Variants in TMEM132C observed in about 807,000 individuals in gnomAD.
The protein encoded by TMEM132C is transmembrane protein 132C, also known as protein phosphatase 1, regulatory subunit 152.
TMEM132C carries 29 observed loss-of-function variants against 61.4 expected under a neutral mutation model. That is an observed-to-expected ratio of 0.47 (90% confidence interval 0.35 to 0.64). The LOEUF (loss-of-function observed/expected upper bound fraction) is 0.64. TMEM132C is among the 30% of genes least tolerant of loss of function. The pLI is 0.00. For synonymous variants in TMEM132C, 656 were observed against 633.1 expected (o/e 1.04, Z -0.54); for missense variants, 1,408 against 1,476.9 (o/e 0.95, Z 0.76).
chr12:128,536,952 A>G (rs1239365446), intron 2 of TMEM132C, among the ~76,000 whole-genome samples: 1 of 152,246 alleles, frequency 6.6e-6, no homozygotes, highest in Admixed American at 6.5e-5. Context: ...GAAACAAGCC[A>G]TTCAGAGATG....
At chr12:128,339,893 C>A (rs1872902078) in intron 1 of TMEM132C, among the ~76,000 whole-genome samples, 1 of 152,190 alleles carries the variant, frequency 6.6e-6, no homozygotes, top group Non-Finnish European at 1.5e-5. Context: ...TGTGTCCACA[C>A]AGATGTGAGG....
In TMEM132C at chr12:128,638,592, A is replaced by G. The variant is rs143374323; in HGVS notation, c.1305+22257A>G. 3.4e-3 allele frequency among the ~76,000 whole-genome samples: 523 copies of G among 152,364 alleles called. 4 individuals carry two copies. The highest frequency in any genetic ancestry group is 5.5e-3 in the Non-Finnish European group (374 of 68,038). Reference sequence around the variant, plus strand: ...GGTGAGGGCATTGAGGCCTGAAGGCAGAGCTAATATACCCTGGTCACACAG... The same window carrying G: ...GGTGAGGGCATTGAGGCCTGAAGGCGGAGCTAATATACCCTGGTCACACAG... On this transcript the variant is annotated intron_variant, in intron 4 of 8. Transcript: ENST00000435159.
intron 5 of TMEM132C, among the ~76,000 whole-genome samples, chr12:128,676,251 CT>C (rs909719738): frequency 1.1e-4 from 17 of 151,396 alleles, no homozygotes; most frequent in African/African-American, 3.2e-4. Context: ...AAATACAGTC[CT>C]TTTTTTTTAA....
intron 5 of TMEM132C, among the ~76,000 whole-genome samples, chr12:128,686,306 T>C (rs1196201650): frequency 6.6e-6 from 1 of 152,214 alleles, no homozygotes; most frequent in East Asian, 1.9e-4. Flanking sequence ...TTCTACCCCG[T>C]TGATGCTGAG....
At chr12:128,391,638 A>G (rs1044660228) in intron 1 of TMEM132C, among the ~76,000 whole-genome samples, 5 of 152,322 alleles carry the variant, frequency 3.3e-5, no homozygotes, top group Middle Eastern at 3.4e-3. Context: ...TCCATCATGA[A>G]CCAGCCTTAG....
chr12:128,424,502 A>T (rs1869111122), intron 2 of TMEM132C, among the ~76,000 whole-genome samples: 1 of 151,722 alleles, frequency 6.6e-6, no homozygotes, highest in Admixed American at 6.6e-5. Context: ...ACATGAATCC[A>T]TTTATATGCA....
At position 128,493,347 on chromosome 12, in the gene TMEM132C, C is replaced by G. The variant is rs548912639; in HGVS notation, c.975-50610C>G. ...TCGCAATGTGGAATGTTTTTTGGTT[C>G]CATATGAACTTTAAAGTACTTTTTT... On this transcript the variant is annotated intron_variant, in intron 2 of 8. Coordinates refer to ENST00000435159, the MANE Select transcript of TMEM132C (RefSeq NM_001136103.3). Among the ~76,000 whole-genome samples, 155 of 152,042 alleles carry G rather than the reference C, an allele frequency of 1.0e-3. 2 individuals are homozygous for G. The highest frequency in any genetic ancestry group is 2.0e-3 in the Non-Finnish European group (135 of 68,022).
intron 2 of TMEM132C, among the ~76,000 whole-genome samples, chr12:128,499,972 A>G (rs1176366672): frequency 2.0e-5 from 3 of 152,174 alleles, no homozygotes; most frequent in African/African-American, 7.2e-5. Flanking sequence ...ACTGTTCTCT[A>G]TAGCAGCTGC....
chr12:128,524,466 T>G (rs1354817212), intron 2 of TMEM132C, among the ~76,000 whole-genome samples: 2 of 152,182 alleles, frequency 1.3e-5, no homozygotes, highest in Non-Finnish European at 2.9e-5. Context: ...AGGCTGTCAT[T>G]TATGGCCCTG....
chr12:128,541,021 T>TTCTCTCTC (rs1873725680), intron 2 of TMEM132C, among the ~76,000 whole-genome samples: 1 of 71,328 alleles, frequency 1.4e-5, no homozygotes, highest in African/African-American at 3.1e-5. Flanking sequence ...CTTTCTCTCT[T>TTCTCTCTC]TCTCTGTCTC....
At chr12:128,433,171 T>A (rs929823860) in intron 2 of TMEM132C, among the ~76,000 whole-genome samples, 1 of 152,312 alleles carries the variant, frequency 6.6e-6, no homozygotes. Flanking sequence ...AGGATAAACA[T>A]AGCTTTTATA....
chr12:128,506,448 C>T (rs527993088), intron 2 of TMEM132C, among the ~76,000 whole-genome samples: 11 of 152,302 alleles, frequency 7.2e-5, no homozygotes, highest in Admixed American at 2.0e-4. Flanking sequence ...CATGACTGCA[C>T]GGCTGCCTCA....
At chr12:128,612,470 G>A (rs1381582910) in intron 3 of TMEM132C, among the ~76,000 whole-genome samples, 2 of 152,190 alleles carry the variant, frequency 1.3e-5, no homozygotes, top group East Asian at 3.8e-4. Flanking sequence ...TGAGTGGGGA[G>A]CTACAGAATG....
At chr12:128,634,377 C>A (rs895300709) in intron 4 of TMEM132C, among the ~76,000 whole-genome samples, 1 of 152,258 alleles carries the variant, frequency 6.6e-6, no homozygotes, top group African/African-American at 2.4e-5. Context: ...GCCCAGCCAA[C>A]ATGTCTTTTC....
intron 3 of TMEM132C, among the ~76,000 whole-genome samples, chr12:128,567,634 G>A (rs761122136): frequency 9.9e-5 from 15 of 152,140 alleles, no homozygotes; most frequent in Non-Finnish European, 1.9e-4. Context: ...ACTAGAAAGT[G>A]GCCTCCTCCA....
Position 128,275,224 on chromosome 12 carries a change from C to T in TMEM132C, c.85+7737C>T, listed in dbSNP as rs558397639. Among the ~76,000 whole-genome samples the T allele has an allele frequency of 2.6e-5, 4 of 152,328 alleles. No individual in the cohort carries two copies. In the South Asian group the frequency reaches 8.3e-4, roughly 32 times the overall value. ...GCCTATTAGGAACTAGGCTGCAGAGCAGGAGGTGAGTGATGGATAAGCGAG... is the reference window on the plus strand; with the variant it reads ...GCCTATTAGGAACTAGGCTGCAGAGTAGGAGGTGAGTGATGGATAAGCGAG... On this transcript the variant is annotated intron_variant, in intron 1 of 8. Transcript: ENST00000435159.
At chr12:128,467,109 GA>G (rs1264243937) in intron 2 of TMEM132C, among the ~76,000 whole-genome samples, 1 of 152,154 alleles carries the variant, frequency 6.6e-6, no homozygotes, top group East Asian at 1.9e-4. Flanking sequence ...ATGGAATTGG[GA>G]ACTCATGGCG....
chr12:128,588,497 T>C (rs1165479118), intron 3 of TMEM132C, among the ~76,000 whole-genome samples: 1 of 152,150 alleles, frequency 6.6e-6, no homozygotes. Flanking sequence ...ATTCATCCGT[T>C]CTTTTGTACG....
chr12:128,702,824 G>A (rs1054573441), intron 8 of TMEM132C, among the ~76,000 whole-genome samples: 10 of 152,292 alleles, frequency 6.6e-5, no homozygotes, highest in East Asian at 1.9e-4. Flanking sequence ...CCCATGCCCC[G>A]TCCATGGAGT....
Sources: gnomAD v4.1 joint callset for allele counts (sites outside exome capture counted in the v4.1 genomes callset) on GRCh38, gnomAD v4.1.1 for gene constraint, MANE v1.5 for transcripts, NCBI Gene and HGNC (gene_info 2026-07-23, HGNC 2026-07-21) for gene names.